Variants in CNTNAP2 observed in about 807,000 individuals in gnomAD.
CNTNAP2 encodes the protein contactin associated protein 2, also known as contactin-associated protein-like 2.
CNTNAP2 carries 98 observed loss-of-function variants against 155.2 expected under a neutral mutation model. The observed-to-expected ratio is 0.63, with a 90% CI of 0.54 to 0.75. The LOEUF is 0.75. CNTNAP2 is among the 30% of genes least tolerant of loss of function. The pLI is 0.00. For synonymous variants in CNTNAP2, 651 were observed against 631.2 expected, an observed-to-expected ratio of 1.03 and a Z score of -0.47; for missense variants, 1,727 against 1,688.1, an observed-to-expected ratio of 1.02 and a Z score of -0.40.
chr7:146,489,199 A>G (rs570078828), intron 1 of CNTNAP2, among the ~76,000 whole-genome samples: 27 of 152,194 alleles, frequency 1.8e-4, no homozygotes, highest in Non-Finnish European at 3.4e-4. Context: ...ATAAATATGT[A>G]CAAATATAAT....
At chr7:146,245,793 A>G (rs1291230408) in intron 1 of CNTNAP2, among the ~76,000 whole-genome samples, 6 of 151,876 alleles carry the variant, frequency 4.0e-5, no homozygotes, top group South Asian at 2.1e-4. Flanking sequence ...CCTAATGGGT[A>G]TCAGGGTCAG....
chr7:147,249,820 T>A (rs1430896755), intron 8 of CNTNAP2, among the ~76,000 whole-genome samples: 1 of 152,094 alleles, frequency 6.6e-6, no homozygotes, highest in African/African-American at 2.4e-5. Flanking sequence ...AGTTCCGTGC[T>A]CTTTGCTGGA....
intron 15 of CNTNAP2, among the ~76,000 whole-genome samples, chr7:148,015,269 A>G (rs969053696): frequency 1.3e-5 from 2 of 152,272 alleles, no homozygotes; most frequent in East Asian, 1.9e-4. Flanking sequence ...GCTTTAATGG[A>G]ATTTTTAGTG....
intron 1 of CNTNAP2, among the ~76,000 whole-genome samples, chr7:146,304,585 T>A (rs1205731124): frequency 6.6e-6 from 1 of 152,130 alleles, no homozygotes; most frequent in Non-Finnish European, 1.5e-5. Flanking sequence ...TTTAAGAATG[T>A]TGAATATTGG....
At chr7:148,007,553 T>G (rs1164916918) in intron 15 of CNTNAP2, among the ~76,000 whole-genome samples, 1 of 151,572 alleles carries the variant, frequency 6.6e-6, no homozygotes, top group Non-Finnish European at 1.5e-5. Context: ...GAGGCTGGCT[T>G]TGGAATCACT....
intron 3 of CNTNAP2, among the ~76,000 whole-genome samples, chr7:146,942,044 G>A (rs1051491423): frequency 4.0e-5 from 6 of 151,882 alleles, no homozygotes; most frequent in Admixed American, 6.6e-5. Context: ...CTTTTCCTGA[G>A]TTTGGAAATG....
intron 15 of CNTNAP2, among the ~76,000 whole-genome samples, chr7:148,003,249 T>C (rs1414219679): frequency 1.3e-5 from 2 of 152,150 alleles, no homozygotes; most frequent in Non-Finnish European, 2.9e-5. Context: ...CCCAGTCACC[T>C]GAAGGGATGA....
In CNTNAP2 at chr7:147,349,402, A is replaced by G. The variant is rs555934770; in HGVS notation, c.1499-46207A>G. On this transcript the variant is annotated intron_variant, in intron 9 of 23. Coordinates refer to ENST00000361727, the MANE Select transcript of CNTNAP2 (RefSeq NM_014141.6). ...GTGAGAATTTCAACTCTAAAAATAT[A>G]CTTTTCATAAGTTAAACAATATTTT... Among the ~76,000 whole-genome samples, 14 of 152,090 alleles carry G rather than the reference A, an allele frequency of 9.2e-5. No individual in the cohort carries two copies. In the East Asian group the frequency reaches 2.3e-3, roughly 25 times the overall value.
At chr7:146,235,983 C>CGT (rs370965168) in intron 1 of CNTNAP2, among the ~76,000 whole-genome samples, 9,084 of 146,902 alleles carry the variant, frequency 0.062, 972 homozygotes, top group Non-Finnish European at 0.082. Context: ...TGTGTGTGCG[C>CGT]GCGTATTTGT....
At chr7:147,509,720 C>A (rs1209380588) in intron 11 of CNTNAP2, among the ~76,000 whole-genome samples, 3 of 151,908 alleles carry the variant, frequency 2.0e-5, no homozygotes, top group Non-Finnish European at 4.4e-5. Flanking sequence ...CAGAAAAGCT[C>A]TCTTCTGCTT....
At chr7:147,091,570 G>A (rs1305676846) in intron 4 of CNTNAP2, among the ~76,000 whole-genome samples, 1 of 151,156 alleles carries the variant, frequency 6.6e-6, no homozygotes, top group African/African-American at 2.4e-5. Context: ...TCTTGCCTCA[G>A]CTTCCCTAGT....
At chr7:148,319,292 A>G (rs755357381) in intron 21 of CNTNAP2, among the ~76,000 whole-genome samples, 2 of 152,216 alleles carry the variant, frequency 1.3e-5, no homozygotes, top group Non-Finnish European at 2.9e-5. Context: ...TGTGACTAAC[A>G]TCTCATAGAA....
At chr7:147,238,525 A>T (rs1382437740) in intron 8 of CNTNAP2, among the ~76,000 whole-genome samples, 2 of 152,114 alleles carry the variant, frequency 1.3e-5, no homozygotes, top group Non-Finnish European at 2.9e-5. Context: ...GTTTCAATGG[A>T]ATGCTATCGA....
chr7:147,174,049 G>A (rs924014621), intron 8 of CNTNAP2, among the ~76,000 whole-genome samples: 1 of 152,024 alleles, frequency 6.6e-6, no homozygotes, highest in Non-Finnish European at 1.5e-5. Flanking sequence ...TCCTCCCTCT[G>A]AATCATGTAT....
chr7:146,409,709 C>G (rs921819971), intron 1 of CNTNAP2, among the ~76,000 whole-genome samples: 6 of 152,172 alleles, frequency 3.9e-5, no homozygotes, highest in African/African-American at 1.4e-4. Context: ...CATCCTCCTC[C>G]CCAAAGGCTT....
rs368299510 is a variant in CNTNAP2 at position 147,562,302 on chromosome 7, G to A, written c.1897+45G>A. On this transcript the variant is annotated intron_variant, in intron 12 of 23. Coordinates refer to ENST00000361727, the MANE Select transcript of CNTNAP2 (RefSeq NM_014141.6). ...GTTTTATGAAGATGCTTTTCTATAT[G>A]TCACGAATAAGTAGTTCCACCAATG... 9 of 1,611,058 alleles carry A rather than the reference G, an allele frequency of 5.6e-6. No homozygotes were observed. In the African/African-American group the frequency reaches 9.3e-5, roughly 17 times the overall value.
chr7:148,216,080 C>T (rs555856252), intron 18 of CNTNAP2, among the ~76,000 whole-genome samples: 10 of 152,254 alleles, frequency 6.6e-5, no homozygotes, highest in African/African-American at 1.7e-4. Context: ...AAACAGAAAC[C>T]GTGAAGACCA....
intron 1 of CNTNAP2, among the ~76,000 whole-genome samples, chr7:146,345,869 A>G (rs1794811393): frequency 6.6e-6 from 1 of 152,156 alleles, no homozygotes; most frequent in African/African-American, 2.4e-5. Flanking sequence ...TAAGACACGA[A>G]CTAGTCACTA....
chr7:147,893,789 G>T (rs139634855), intron 13 of CNTNAP2, among the ~76,000 whole-genome samples: 1 of 152,232 alleles, frequency 6.6e-6, no homozygotes, highest in African/African-American at 2.4e-5. Context: ...AGCTACCATG[G>T]CCCAGATCTT....
Sources: allele counts gnomAD v4.1 joint callset (sites outside exome capture counted in the v4.1 genomes callset), GRCh38; gene constraint gnomAD v4.1.1; transcripts MANE v1.5; gene names NCBI Gene and HGNC (gene_info 2026-07-23, HGNC 2026-07-21).